The following CEP350 variants were observed in gnomAD, a reference collection of about 807,000 sequenced individuals.
CEP350 encodes centrosomal protein 350.
CEP350 carries 126 observed loss-of-function variants against 331.8 expected under a neutral mutation model. The observed-to-expected ratio is 0.38, with a 90% confidence interval of 0.33 to 0.44. The LOEUF (loss-of-function observed/expected upper bound fraction) is 0.44. Ranked by LOEUF, CEP350 falls within the 20% of genes least tolerant of loss-of-function variation. The probability of loss-of-function intolerance (pLI) is 1.00; values close to 1 mark genes in which losing one functional copy is unlikely to be tolerated. For synonymous variants in CEP350, 1,200 were observed against 1,259.5 expected (o/e 0.95, Z 1.00); for missense variants, 3,406 against 3,634.6 (o/e 0.94, Z 1.62).
intron 1 of CEP350, among the ~76,000 whole-genome samples, chr1:179,956,792 C>T (rs541658491): frequency 3.2e-4 from 49 of 151,968 alleles, no homozygotes; most frequent in African/African-American, 1.1e-3. Flanking sequence ...TGGCAGATAT[C>T]CTTATTTTGC....
chr1:179,969,008 T>A, intron 1 of CEP350: 1 of 754,536 alleles, frequency 1.3e-6, no homozygotes, highest in East Asian at 2.5e-5. Context: ...GAGCCATGGC[T>A]TGTGGTGGTT....
chr1:180,087,415 CTA>C lies in CEP350; in HGVS notation c.6286-160_6286-159del, dbSNP rs772254782. ...TATTTTGAGAAGGATGTACAAATAACTATAGAGTTCTGGAGAATGATGCTGAG... is the reference window on the plus strand; with the variant it reads ...TATTTTGAGAAGGATGTACAAATAACTAGAGTTCTGGAGAATGATGCTGAG... On this transcript the variant is annotated intron_variant, in intron 31 of 37. Coordinates refer to ENST00000367607, the MANE Select transcript of CEP350 (RefSeq NM_014810.5). The C allele has an allele frequency of 5.7e-5, 30 of 523,504 alleles. No homozygotes were observed. In the East Asian group the frequency reaches 1.0e-3, roughly 18 times the overall value. The allele number at this position is 523,504 out of a possible 1,614,324, so 32.4% of individuals were successfully genotyped here. A position where few individuals can be genotyped will look rare whatever the true frequency, so the allele number is the denominator to read the frequency against.
Position 180,022,725 on chromosome 1 carries a change from C to T in CEP350, c.3263C>T (p.Thr1088Ile), listed in dbSNP as rs73034403. 1,101 of 1,612,462 alleles carry T rather than the reference C, an allele frequency of 6.8e-4. 11 individuals are homozygous for T. In the African/African-American group the frequency reaches 0.013, roughly 19 times the overall value. ...KGFEDKLDRG[T>I]STSRPLNATA... ...TTTGAAGACAAGTTGGACAGAGGAA[C>T]ATCAACATCACGGCCTTTGAATGCC... The change falls in exon 13 of 38, where the codon ACA becomes ATA. Residue 1088 changes from threonine (T) to isoleucine (I), a missense_variant. By Grantham distance (89) the Thr-to-Ile change is moderately conservative. Transcript: ENST00000367607.
At chr1:180,069,376 T>A (rs1014498375) in intron 27 of CEP350, among the ~76,000 whole-genome samples, 1 of 152,206 alleles carries the variant, frequency 6.6e-6, no homozygotes, top group African/African-American at 2.4e-5. Context: ...AATCTGAATT[T>A]TAAAAATGAA....
intron 1 of CEP350, among the ~76,000 whole-genome samples, chr1:179,956,506 C>T (rs1437431483): frequency 2.6e-5 from 4 of 152,208 alleles, no homozygotes; most frequent in African/African-American, 9.6e-5. Context: ...CTTAAACAGC[C>T]AACCTTCTGT....
At chr1:180,072,122 A>T (rs796111670) in intron 27 of CEP350, among the ~76,000 whole-genome samples, 3 of 152,354 alleles carry the variant, frequency 2.0e-5, no homozygotes, top group African/African-American at 7.2e-5. Flanking sequence ...CACTCCTTAT[A>T]TAAGGATGTA....
chr1:180,039,153 G>A (rs1021549587), intron 17 of CEP350, among the ~76,000 whole-genome samples: 3 of 151,566 alleles, frequency 2.0e-5, no homozygotes, highest in South Asian at 2.1e-4. Context: ...TGGTGGTAGC[G>A]GTTGGCTAAG....
Position 180,095,841 on chromosome 1 carries a change from C to A in CEP350, c.8830C>A (p.Leu2944Ile). ...LWKWKELGHD[L>I]HSISIPTKLL... ...GAAATGGAAAGAATTAGGCCACGATCTTCATAGCATCAGTATTCCTACAAA... is the reference window on the plus strand; with the variant it reads ...GAAATGGAAAGAATTAGGCCACGATATTCATAGCATCAGTATTCCTACAAA... Residue 2944 changes from leucine to isoleucine, a missense_variant, in exon 35 of 38, where the codon CTT becomes ATT. Around this residue, in one of 5 missense-constraint regions of CEP350, gnomAD observed 1,415 missense variants for 1,512.3 expected, o/e 0.94. Coordinates refer to ENST00000367607, the MANE Select transcript of CEP350 (RefSeq NM_014810.5). 1 of 1,613,922 alleles carries A rather than the reference C, an allele frequency of 6.2e-7. No individual in the cohort carries two copies.
intron 32 of CEP350, 77 bp from the exon 33 acceptor site, chr1:180,090,637 G>T: frequency 1.5e-6 from 2 of 1,301,222 alleles, no homozygotes; most frequent in Non-Finnish European, 1.0e-6. Flanking sequence ...AGAAGCAGTT[G>T]TCTAAGAATG....
chr1:180,088,531 CATTT>C (rs1478114387), intron 32 of CEP350, among the ~76,000 whole-genome samples: 4 of 151,908 alleles, frequency 2.6e-5, no homozygotes, highest in Non-Finnish European at 5.9e-5. Context: ...ACCTTGTACT[CATTT>C]ATTCTTAGCA....
intron 1 of CEP350, among the ~76,000 whole-genome samples, chr1:179,955,771 A>T (rs1025644650): frequency 6.6e-6 from 1 of 152,260 alleles, no homozygotes; most frequent in Non-Finnish European, 1.5e-5. Flanking sequence ...AAATATTCAG[A>T]TAGAAAGTTG....
chr1:179,996,436 G>A, intron 5 of CEP350, 117 bp from the exon 6 acceptor site: 1 of 695,430 alleles, frequency 1.4e-6, no homozygotes, highest in East Asian at 2.7e-5. Flanking sequence ...TATTTAACAT[G>A]TATTACCTCA....
At chr1:180,096,527 T>G (rs1009893197) in intron 36 of CEP350, among the ~76,000 whole-genome samples, 1 of 152,164 alleles carries the variant, frequency 6.6e-6, no homozygotes, top group Non-Finnish European at 1.5e-5. Context: ...AGGTAAGTTT[T>G]GGGGGCTTTA....
At chr1:180,016,513 CTG>C (rs778709518) in intron 11 of CEP350, among the ~76,000 whole-genome samples, 1 of 151,924 alleles carries the variant, frequency 6.6e-6, no homozygotes, top group Non-Finnish European at 1.5e-5. Flanking sequence ...AACAAAAAAA[CTG>C]TGAGTTTGGA....
intron 37 of CEP350, among the ~76,000 whole-genome samples, chr1:180,109,466 G>A (rs1475274989): frequency 6.6e-6 from 1 of 151,918 alleles, no homozygotes; most frequent in Non-Finnish European, 1.5e-5. Flanking sequence ...GGCAAGCCAG[G>A]AGCATGTTGT....
At position 180,041,133 on chromosome 1, in the gene CEP350, T is replaced by C. The variant is rs1163728015; in HGVS notation, c.4111-5T>C. The C allele has an allele frequency of 6.3e-7, 1 of 1,581,232 alleles. No individual in the cohort carries two copies. The highest frequency in any genetic ancestry group is 1.3e-5 in the African/African-American group (1 of 74,214). ...GAGAATTAACATTTGACCATTATTT[T>C]GAAGGCACAACAGCAACGCCATGAA... On this transcript the variant is annotated splice_polypyrimidine_tract_variant and splice_region_variant and intron_variant, in intron 17 of 37. Coordinates refer to ENST00000367607, the MANE Select transcript of CEP350 (RefSeq NM_014810.5).
chr1:180,092,871 T>A lies in CEP350; in HGVS notation c.6766T>A (p.Ser2256Thr). The change falls in exon 34 of 38, where the codon TCA (serine) becomes ACA (threonine). Residue 2256 changes from serine to threonine, a missense_variant. Physicochemically the swap from Ser to Thr is moderately conservative, Grantham distance 58 (BLOSUM62 1). Around this residue, in one of 5 missense-constraint regions of CEP350, gnomAD observed 1,415 missense variants for 1,512.3 expected, o/e 0.94. Transcript: ENST00000367607. ...DGKVGESSKK[S>T]EIKEIEYTKL... ...CAAGGTTGGAGAATCTAGTAAAAAA[T>A]CAGAAATAAAAGAAATAGAGTATAC... 6.4e-7 allele frequency: 1 copy of A among 1,566,818 alleles called. No homozygotes were observed. Among genetic ancestry groups the A allele is most frequent in the Non-Finnish European group, 8.7e-7 (1 of 1,154,770 alleles).
chr1:180,045,762 G>A (rs1025644318), intron 21 of CEP350, among the ~76,000 whole-genome samples: 1 of 152,084 alleles, frequency 6.6e-6, no homozygotes, highest in Non-Finnish European at 1.5e-5. Context: ...AGCCAATTTG[G>A]TTATTCACCT....
chr1:180,081,480 T>C (rs1571971552), intron 30 of CEP350, among the ~76,000 whole-genome samples: 1 of 152,370 alleles, frequency 6.6e-6, no homozygotes. Flanking sequence ...ATAATAAACA[T>C]CTTTATTTAA....
Sources: gnomAD v4.1 joint callset for allele counts (sites outside exome capture counted in the v4.1 genomes callset) on GRCh38, gnomAD v4.1.1 for gene constraint, gnomAD v4.1.1 regional missense constraint, MANE v1.5 for transcripts, NCBI Gene and HGNC (gene_info 2026-07-23, HGNC 2026-07-21) for gene names.